CDH13: variants seen among roughly 807,000 people sequenced by gnomAD.
The protein encoded by CDH13 is cadherin 13.
In CDH13, 24 loss-of-function variants were observed where a neutral mutation model predicts 63.8. The ratio of observed to expected loss-of-function variants is 0.38; its 90% CI spans 0.27 to 0.53. CDH13 has a LOEUF of 0.53. Ranked by LOEUF, CDH13 falls within the 20% of genes least tolerant of loss-of-function variation. CDH13 has a pLI of 0.85. For missense variants in CDH13, 1,049 were observed against 903.1 expected, an observed-to-expected ratio of 1.16 and a Z score of -2.07; for synonymous variants, 503 against 355.3, an observed-to-expected ratio of 1.42 and a Z score of -4.67.
At chr16:82,786,508 G>A (rs1429730337) in intron 1 of CDH13, among the ~76,000 whole-genome samples, 1 of 145,562 alleles carries the variant, frequency 6.9e-6, no homozygotes, top group Non-Finnish European at 1.5e-5. Flanking sequence ...GTGTGTGTGT[G>A]TGTGTGTTTT....
intron 2 of CDH13, among the ~76,000 whole-genome samples, chr16:82,966,349 C>T (rs139150771): frequency 1.8e-3 from 267 of 151,820 alleles, no homozygotes; most frequent in Non-Finnish European, 2.8e-3. Flanking sequence ...TGGGGTTTCA[C>T]TGTTGGCTAG....
intron 1 of CDH13, among the ~76,000 whole-genome samples, chr16:82,699,329 C>T (rs536815447): frequency 2.0e-5 from 3 of 152,130 alleles, no homozygotes; most frequent in Non-Finnish European, 4.4e-5. Flanking sequence ...TCCAGGAGGA[C>T]CACCGGTAGT....
At chr16:83,068,017 C>T (rs1348716456) in intron 3 of CDH13, among the ~76,000 whole-genome samples, 1 of 152,164 alleles carries the variant, frequency 6.6e-6, no homozygotes, top group Non-Finnish European at 1.5e-5. Context: ...TCATCTCAGT[C>T]AATCCTCCCA....
intron 1 of CDH13, among the ~76,000 whole-genome samples, chr16:82,756,003 G>A (rs545553470): frequency 6.6e-6 from 1 of 152,192 alleles, no homozygotes; most frequent in Non-Finnish European, 1.5e-5. Flanking sequence ...CGTTCTAGGA[G>A]GAGTGAAATA....
intron 7 of CDH13, among the ~76,000 whole-genome samples, chr16:83,530,194 T>C (rs2075053288): frequency 6.6e-6 from 1 of 152,176 alleles, no homozygotes; most frequent in Admixed American, 6.5e-5. Context: ...TGATAATTTG[T>C]AATAGGTTAA....
chr16:82,956,538 T>A (rs1164023453), intron 2 of CDH13, among the ~76,000 whole-genome samples: 1 of 152,170 alleles, frequency 6.6e-6, no homozygotes, highest in Non-Finnish European at 1.5e-5. Context: ...CTCAGGTATA[T>A]CCTGCCACAC....
intron 3 of CDH13, among the ~76,000 whole-genome samples, chr16:83,071,885 A>G (rs1567802245): frequency 6.6e-6 from 1 of 152,146 alleles, no homozygotes; most frequent in East Asian, 1.9e-4. Context: ...TATAAGTAAA[A>G]TACACAGAAT....
chr16:82,919,169 A>T (rs12102484), intron 2 of CDH13, among the ~76,000 whole-genome samples: 2 of 152,128 alleles, frequency 1.3e-5, no homozygotes, highest in African/African-American at 4.8e-5. Flanking sequence ...TTATATTTCA[A>T]TCTTACTTTT....
chr16:83,708,119 C>G (rs1337846654), intron 10 of CDH13, among the ~76,000 whole-genome samples: 1 of 152,148 alleles, frequency 6.6e-6, no homozygotes, highest in Admixed American at 6.5e-5. Context: ...AGTGCCTTAT[C>G]AAGTGCAAGA....
At chr16:83,473,377 T>C (rs2073513469) in intron 6 of CDH13, among the ~76,000 whole-genome samples, 1 of 152,244 alleles carries the variant, frequency 6.6e-6, no homozygotes, top group Non-Finnish European at 1.5e-5. Flanking sequence ...GCTAGCACTT[T>C]CTTCCCGTTG....
chr16:82,932,964 T>C (rs2042546936), intron 2 of CDH13, among the ~76,000 whole-genome samples: 1 of 152,074 alleles, frequency 6.6e-6, no homozygotes, highest in South Asian at 2.1e-4. Flanking sequence ...AAAGCAAGGG[T>C]TAGCATTTTA....
chr16:83,170,785 A>G (rs76149681), intron 4 of CDH13, among the ~76,000 whole-genome samples: 9,541 of 152,152 alleles, frequency 0.063, 538 homozygotes, highest in African/African-American at 0.14. Flanking sequence ...GATGAGAGGT[A>G]TGGGAGATGT....
intron 6 of CDH13, among the ~76,000 whole-genome samples, chr16:83,387,519 T>C (rs534286204): frequency 6.6e-6 from 1 of 152,114 alleles, no homozygotes; most frequent in Non-Finnish European, 1.5e-5. Flanking sequence ...AGTTAAAAAT[T>C]TAAAGTAAAT....
At chr16:83,051,499 C>T (rs903967049) in intron 3 of CDH13, among the ~76,000 whole-genome samples, 3 of 152,156 alleles carry the variant, frequency 2.0e-5, no homozygotes, top group African/African-American at 7.2e-5. Context: ...TTCATTTTTG[C>T]TTTCTTTGAG....
At chr16:83,365,634 A>G (rs1439113647) in intron 6 of CDH13, among the ~76,000 whole-genome samples, 2 of 152,194 alleles carry the variant, frequency 1.3e-5, no homozygotes, top group Non-Finnish European at 2.9e-5. Flanking sequence ...TAAAACAAGG[A>G]GGTTACCCGG....
At chr16:83,790,374 T>C (rs1916177720) in intron 13 of CDH13, among the ~76,000 whole-genome samples, 1 of 152,052 alleles carries the variant, frequency 6.6e-6, no homozygotes, top group Non-Finnish European at 1.5e-5. Context: ...GAAAATGAAA[T>C]GATTTTTACT....
intron 5 of CDH13, among the ~76,000 whole-genome samples, chr16:83,228,515 T>A (rs1224595850): frequency 6.6e-6 from 1 of 152,220 alleles, no homozygotes. Context: ...CAATCGACTA[T>A]ATTATCTTGT....
At chr16:83,232,263 G>A (rs1009273364) in intron 5 of CDH13, among the ~76,000 whole-genome samples, 1 of 126,350 alleles carries the variant, frequency 7.9e-6, no homozygotes, top group African/African-American at 3.1e-5. Flanking sequence ...GGTGGCTCAT[G>A]CCTGTAATCT....
At chr16:83,725,894 T>C (rs1353333673) in intron 10 of CDH13, 1 of 152,216 alleles carries the variant, frequency 6.6e-6, no homozygotes, top group Non-Finnish European at 1.5e-5. Context: ...TAAATGGATA[T>C]TGTACAAATC....
Sources: gnomAD v4.1 joint callset for allele counts (sites outside exome capture counted in the v4.1 genomes callset) on GRCh38, gnomAD v4.1.1 for gene constraint, MANE v1.5 for transcripts, NCBI Gene and HGNC (gene_info 2026-07-23, HGNC 2026-07-21) for gene names.